GRXCR1: variants seen among roughly 807,000 people sequenced by gnomAD.
GRXCR1 encodes the protein glutaredoxin domain-containing cysteine-rich protein 1.
GRXCR1 carries 27 observed loss-of-function variants against 27.3 expected under a neutral mutation model. That is an observed-to-expected ratio of 0.99 (90% CI 0.73 to 1.37). The LOEUF (loss-of-function observed/expected upper bound fraction) is 1.37. GRXCR1 is among the 40% of genes most tolerant of loss of function. GRXCR1 has a pLI of 0.00. For missense variants in GRXCR1, 379 were observed against 354.4 expected (o/e 1.07, Z -0.56); for synonymous variants, 122 against 131.1 (o/e 0.93, Z 0.47).
chr4:43,020,219 TAGTTGTACATTTACTCAGCTCCAA>T (rs1560690548), intron 2 of GRXCR1, 111 bp from the exon 3 acceptor site: 1 of 697,254 alleles, frequency 1.4e-6, no homozygotes, highest in African/African-American at 1.8e-5. Flanking sequence ...TTTGGCATCC[TAGTTGTACATTTACTCAGCTCCAA>T]AGGGAAGAAC....
chr4:42,922,801 C>A (rs1019932485), intron 1 of GRXCR1, among the ~76,000 whole-genome samples: 3 of 152,050 alleles, frequency 2.0e-5, no homozygotes, highest in Non-Finnish European at 4.4e-5. Context: ...CCTTTTGCTG[C>A]TGGAATTTTC....
chr4:42,942,484 A>C (rs894490887), intron 1 of GRXCR1, among the ~76,000 whole-genome samples: 1 of 152,062 alleles, frequency 6.6e-6, no homozygotes, highest in African/African-American at 2.4e-5. Context: ...AGTCATAAGA[A>C]TAGGCAAACT....
intron 2 of GRXCR1, among the ~76,000 whole-genome samples, chr4:43,004,450 A>G (rs1176318247): frequency 6.6e-6 from 1 of 152,132 alleles, no homozygotes; most frequent in Non-Finnish European, 1.5e-5. Flanking sequence ...CATCTTCCAG[A>G]CCTCAAAATG....
intron 2 of GRXCR1, among the ~76,000 whole-genome samples, chr4:42,973,040 C>T (rs1038367942): frequency 6.6e-6 from 1 of 152,046 alleles, no homozygotes; most frequent in African/African-American, 2.4e-5. Context: ...TACAATTTCT[C>T]TTAGCTTATA....
At chr4:42,959,183 T>C (rs1435501147) in intron 1 of GRXCR1, among the ~76,000 whole-genome samples, 4 of 151,974 alleles carry the variant, frequency 2.6e-5, no homozygotes, top group Non-Finnish European at 4.4e-5. Context: ...AAGTATCCTT[T>C]AATGGATAAA....
chr4:42,985,987 T>C (rs1400061434), intron 2 of GRXCR1, among the ~76,000 whole-genome samples: 2 of 152,226 alleles, frequency 1.3e-5, no homozygotes, highest in African/African-American at 4.8e-5. Flanking sequence ...ATGTTATATA[T>C]GATTACAACT....
intron 1 of GRXCR1, among the ~76,000 whole-genome samples, chr4:42,954,666 A>G (rs1747957832): frequency 6.6e-6 from 1 of 152,150 alleles, no homozygotes; most frequent in African/African-American, 2.4e-5. Context: ...ATTATTTTTT[A>G]TAATTTGTGT....
At chr4:43,015,800 C>T (rs1712913595) in intron 2 of GRXCR1, among the ~76,000 whole-genome samples, 1 of 151,022 alleles carries the variant, frequency 6.6e-6, no homozygotes, top group African/African-American at 2.4e-5. Context: ...TATATATGTG[C>T]ATTCACATAT....
chr4:42,902,009 T>C (rs1746472635), intron 1 of GRXCR1, among the ~76,000 whole-genome samples: 1 of 152,224 alleles, frequency 6.6e-6, no homozygotes, highest in Non-Finnish European at 1.5e-5. Context: ...TGTAGTTACG[T>C]ATATGATGCT....
chr4:42,984,213 T>C (rs989427595), intron 2 of GRXCR1, among the ~76,000 whole-genome samples: 3 of 152,250 alleles, frequency 2.0e-5, no homozygotes, highest in Non-Finnish European at 4.4e-5. Flanking sequence ...ATTGTATTTT[T>C]CAACACCAGG....
intron 2 of GRXCR1, among the ~76,000 whole-genome samples, chr4:42,967,906 T>G (rs1748284667): frequency 6.6e-6 from 1 of 152,144 alleles, no homozygotes; most frequent in Non-Finnish European, 1.5e-5. Flanking sequence ...CCATGAATTA[T>G]GAGGTTTTCC....
At position 42,920,334 on chromosome 4, in the gene GRXCR1, A is replaced by G. The variant is rs140821458; in HGVS notation, c.384+26684A>G. ...TGATATGCCTGCTCATTCAGCCAAA[A>G]AGCCTTTTATTTACAACTTATAATG... On this transcript the variant is annotated intron_variant, in intron 1 of 3. Transcript: ENST00000399770. 1.2e-4 allele frequency among the ~76,000 whole-genome samples: 18 copies of G among 150,878 alleles called. 1 individual carries two copies. The highest frequency in any genetic ancestry group is 3.9e-4 in the African/African-American group (16 of 41,132).
chr4:42,930,045 T>G (rs1747267238), intron 1 of GRXCR1, among the ~76,000 whole-genome samples: 1 of 152,000 alleles, frequency 6.6e-6, no homozygotes. Flanking sequence ...TGGCTCTCAG[T>G]AGATTCTCTC....
At chr4:42,959,956 G>T (rs1018514796) in intron 1 of GRXCR1, among the ~76,000 whole-genome samples, 6 of 151,886 alleles carry the variant, frequency 4.0e-5, no homozygotes, top group African/African-American at 1.5e-4. Flanking sequence ...CTGATTCCAG[G>T]CAAAGCTCAT....
chr4:43,004,791 T>C (rs1712502255), intron 2 of GRXCR1, among the ~76,000 whole-genome samples: 1 of 152,196 alleles, frequency 6.6e-6, no homozygotes, highest in Non-Finnish European at 1.5e-5. Context: ...AACTAATTTG[T>C]TTTTGATTTT....
intron 1 of GRXCR1, among the ~76,000 whole-genome samples, chr4:42,899,641 C>T (rs918706598): frequency 3.3e-5 from 5 of 152,116 alleles, no homozygotes; most frequent in African/African-American, 7.2e-5. Flanking sequence ...GAAGGCTCAT[C>T]TGTATAATGA....
At chr4:42,895,312 G>A (rs529075413) in intron 1 of GRXCR1, among the ~76,000 whole-genome samples, 9 of 152,118 alleles carry the variant, frequency 5.9e-5, no homozygotes, top group African/African-American at 1.2e-4. Context: ...CCCATTCCAC[G>A]TATTCCCTGT....
At chr4:42,955,154 A>G (rs1747969146) in intron 1 of GRXCR1, among the ~76,000 whole-genome samples, 1 of 152,110 alleles carries the variant, frequency 6.6e-6, no homozygotes, top group African/African-American at 2.4e-5. Flanking sequence ...ATCTGGGTCT[A>G]GTCCCAGTTT....
intron 1 of GRXCR1, among the ~76,000 whole-genome samples, chr4:42,920,530 G>A (rs991184680): frequency 2.6e-5 from 4 of 152,100 alleles, no homozygotes; most frequent in African/African-American, 9.7e-5. Flanking sequence ...AGAAGAGCTG[G>A]AAGCTTAGAG....
Sources: allele counts gnomAD v4.1 joint callset (sites outside exome capture counted in the v4.1 genomes callset), GRCh38; gene constraint gnomAD v4.1.1; transcripts MANE v1.5; gene names NCBI Gene and HGNC (gene_info 2026-07-23, HGNC 2026-07-21).